TMIGD3: variants seen among roughly 807,000 people sequenced by gnomAD.
TMIGD3 encodes the protein AD026 protein (AD026).
Under a neutral mutation model 28.1 loss-of-function variants are expected in TMIGD3, and 21 were observed. The observed-to-expected ratio is 0.75, with a 90% CI of 0.53 to 1.08. The LOEUF (loss-of-function observed/expected upper bound fraction) is 1.08. TMIGD3 is among the 50% of genes least tolerant of loss of function. TMIGD3 has a pLI of 0.00. For synonymous variants in TMIGD3, 151 were observed against 162.1 expected (o/e 0.93, Z 0.52); for missense variants, 416 against 435.6 (o/e 0.96, Z 0.40).
chr1:111,529,975 T>C (rs12096270), intron 1 of TMIGD3, among the ~76,000 whole-genome samples: 55,300 of 110,130 alleles, frequency 0.5, 13,840 homozygotes, highest in Admixed American at 0.63. Flanking sequence ...ACCTCCCGGA[T>C]GGGGCGGCTG....
At chr1:111,542,690 GTTTTTGT>G (rs562563340) in intron 1 of TMIGD3, among the ~76,000 whole-genome samples, 594 of 26,866 alleles carry the variant, frequency 0.022, 6 homozygotes, top group South Asian at 0.18. Flanking sequence ...CTTTGTTTTT[GTTTTTGT>G]TTTTTTTTTC....
intron 1 of TMIGD3, among the ~76,000 whole-genome samples, chr1:111,496,203 T>C (rs1232432608): frequency 1.3e-5 from 2 of 152,128 alleles, no homozygotes; most frequent in African/African-American, 4.8e-5. Flanking sequence ...CATTAAAAAA[T>C]AGCCAGGACT....
chr1:111,524,388 T>TA (rs941598862), intron 1 of TMIGD3, among the ~76,000 whole-genome samples: 2 of 151,998 alleles, frequency 1.3e-5, no homozygotes, highest in African/African-American at 4.8e-5. Context: ...TCTTATTCTT[T>TA]AAAAAAAATT....
chr1:111,486,668 T>C lies in TMIGD3; in HGVS notation c.806-16A>G, dbSNP rs1300129719. On this transcript the variant is annotated splice_polypyrimidine_tract_variant and intron_variant, in intron 3 of 5. Transcript: ENST00000369716. ...CCTGATAGGTCTGAATCAGAAAGGA[T>C]TTGTTAAGTCAGGTGAGGCCCATAG... The C allele has an allele frequency of 6.2e-7, 1 of 1,612,772 alleles. No individual in the cohort carries two copies. The highest frequency in any genetic ancestry group is 1.3e-5 in the African/African-American group (1 of 74,856).
Position 111,503,513 on chromosome 1 carries a change from G to T in TMIGD3, c.-159C>A. ...CTCATTCCTACCCTTTTCTGGTGGGGTGATCTCTTGGAAACCCTTCTCCTT... is the reference window on the plus strand; with the variant it reads ...CTCATTCCTACCCTTTTCTGGTGGGTTGATCTCTTGGAAACCCTTCTCCTT... On this transcript the variant is annotated 5_prime_UTR_variant, in exon 1 of 6. Coordinates refer to ENST00000369716, the MANE Select transcript of TMIGD3 (RefSeq NM_020683.7). 7.0e-7 allele frequency: 1 copy of T among 1,433,598 alleles called. No homozygotes were observed. 88.8% of individuals were successfully genotyped at this position (1,433,598 alleles called of 1,614,324 possible).
chr1:111,541,618 G>T (rs1002634980), intron 1 of TMIGD3, among the ~76,000 whole-genome samples: 2 of 151,764 alleles, frequency 1.3e-5, no homozygotes, highest in Non-Finnish European at 2.9e-5. Context: ...TCACTCACAC[G>T]TACTCAATTG....
intron 1 of TMIGD3, among the ~76,000 whole-genome samples, chr1:111,513,115 C>A (rs1655746655): frequency 1.3e-5 from 2 of 152,208 alleles, no homozygotes; most frequent in Middle Eastern, 3.2e-3. Flanking sequence ...CAAGAGCCAC[C>A]CAGGCCACCT....
intron 1 of TMIGD3, among the ~76,000 whole-genome samples, chr1:111,497,025 A>G (rs2100971594): frequency 6.6e-6 from 1 of 152,304 alleles, no homozygotes; most frequent in South Asian, 2.1e-4. Flanking sequence ...TTATTCCTTT[A>G]GAATAAAAGC....
intron 1 of TMIGD3, among the ~76,000 whole-genome samples, chr1:111,524,047 T>TGGGGG (rs371004556): frequency 0.02 from 2,593 of 130,320 alleles, 95 homozygotes; most frequent in African/African-American, 0.064. Flanking sequence ...TTTTTTTTTT[T>TGGGGG]GGGATGGAAT....
At chr1:111,500,254 G>C in intron 1 of TMIGD3, 4 of 1,614,162 alleles carry the variant, frequency 2.5e-6, no homozygotes, top group Non-Finnish European at 3.4e-6. Flanking sequence ...AAATGCACCT[G>C]TCTCTTTGGA....
intron 1 of TMIGD3, among the ~76,000 whole-genome samples, chr1:111,510,881 A>G (rs1251046427): frequency 2.0e-5 from 3 of 152,108 alleles, no homozygotes; most frequent in Non-Finnish European, 4.4e-5. Flanking sequence ...GACATTTTCG[A>G]TGATCAATTT....
chr1:111,530,514 C>G (rs1656424284), intron 1 of TMIGD3, among the ~76,000 whole-genome samples: 1 of 152,184 alleles, frequency 6.6e-6, no homozygotes, highest in African/African-American at 2.4e-5. Flanking sequence ...CTGCTGGTTA[C>G]AAATTCCCTT....
chr1:111,529,360 C>A (rs1352134084), intron 1 of TMIGD3, among the ~76,000 whole-genome samples: 1 of 150,306 alleles, frequency 6.7e-6, no homozygotes, highest in Non-Finnish European at 1.5e-5. Context: ...GATACAATTT[C>A]TTTCTTTCTT....
intron 1 of TMIGD3, among the ~76,000 whole-genome samples, chr1:111,494,049 C>T (rs1201734521): frequency 6.6e-6 from 1 of 152,208 alleles, no homozygotes; most frequent in African/African-American, 2.4e-5. Flanking sequence ...AAAATAGAAT[C>T]CTGACCTGCA....
At chr1:111,500,906 C>G in intron 1 of TMIGD3, 1 of 382,398 alleles carries the variant, frequency 2.6e-6, no homozygotes, top group Non-Finnish European at 4.6e-6. Flanking sequence ...CAACTGTTAC[C>G]TATCTTTTCT....
At chr1:111,543,362 G>A (rs1656914453) in intron 1 of TMIGD3, among the ~76,000 whole-genome samples, 2 of 151,956 alleles carry the variant, frequency 1.3e-5, no homozygotes, top group African/African-American at 2.4e-5. Flanking sequence ...AGGGAGATTC[G>A]CTGCCAAAAG....
chr1:111,530,243 A>T (rs1451621587), intron 1 of TMIGD3, among the ~76,000 whole-genome samples: 5 of 152,230 alleles, frequency 3.3e-5, no homozygotes, highest in Admixed American at 6.5e-5. Context: ...TGTTAAAACA[A>T]TATATCCATT....
In TMIGD3 at chr1:111,488,867, G is replaced by A. The variant is rs770545601; in HGVS notation, c.615C>T (p.Ser205=). Residue 205 remains serine, a synonymous_variant, in exon 3 of 6, where the codon AGC becomes AGT. Transcript: ENST00000369716. ...TGTCCCTCAGGGCCACATGATTGGT[G>A]CTGTTAGGGGAGAAGGCGATGATGT... ...YCNIIAFSPN[S]TNHVALRDTG... is the part of the protein sequence containing the mutation. 2 of 1,614,202 alleles carry A rather than the reference G, an allele frequency of 1.2e-6. No individual in the cohort carries two copies. Among genetic ancestry groups the A allele is most frequent in the Non-Finnish European group, 8.5e-7 (1 of 1,180,034 alleles).
At chr1:111,533,688 G>A (rs546470032) in intron 1 of TMIGD3, among the ~76,000 whole-genome samples, 16 of 152,186 alleles carry the variant, frequency 1.1e-4, no homozygotes, top group African/African-American at 3.9e-4. Flanking sequence ...CGAGTAGCTG[G>A]GATTACAGGA....
Sources: gnomAD v4.1 joint callset for allele counts (sites outside exome capture counted in the v4.1 genomes callset) on GRCh38, gnomAD v4.1.1 for gene constraint, MANE v1.5 for transcripts, NCBI Gene and HGNC (gene_info 2026-07-23, HGNC 2026-07-21) for gene names.